Variants in NAV3 observed in about 807,000 individuals in gnomAD.
NAV3 encodes neuron navigator 3.
In NAV3, 87 loss-of-function variants were observed where a neutral mutation model predicts 244.7. The observed-to-expected ratio is 0.36, with a 90% confidence interval of 0.30 to 0.42. NAV3 has a LOEUF of 0.42. NAV3 is among the 20% of genes least tolerant of loss of function. The pLI, the probability that NAV3 is intolerant of heterozygous loss-of-function variation, is 1.00. For missense variants in NAV3, 2,663 were observed against 2,893.3 expected (o/e 0.92, Z 1.83); for synonymous variants, 1,126 against 1,042.2 (o/e 1.08, Z -1.55).
chr12:78,088,145 G>T (rs1390285062), intron 12 of NAV3, among the ~76,000 whole-genome samples: 2 of 150,826 alleles, frequency 1.3e-5, no homozygotes, highest in Non-Finnish European at 3.0e-5. Context: ...TTAACATAAT[G>T]GTTTTTATAA....
At chr12:77,616,128 C>T (rs1032609418) in intron 2 of NAV3, among the ~76,000 whole-genome samples, 1 of 152,092 alleles carries the variant, frequency 6.6e-6, no homozygotes, top group Non-Finnish European at 1.5e-5. Context: ...TAGTATGAGG[C>T]CAGGCATGGT....
At chr12:77,697,073 C>T (rs1380753425) in intron 2 of NAV3, among the ~76,000 whole-genome samples, 1 of 152,100 alleles carries the variant, frequency 6.6e-6, no homozygotes, top group African/African-American at 2.4e-5. Context: ...TTCCTTCTCC[C>T]AGAGAAGTCA....
rs940266013 is a variant in NAV3, at chr12:78,180,858, A to G, written c.5518-13A>G. On this transcript the variant is annotated splice_polypyrimidine_tract_variant and intron_variant, in intron 29 of 39. Coordinates refer to ENST00000397909, the MANE Select transcript of NAV3 (RefSeq NM_001024383.2). The stretch of plus-strand genomic sequence containing the variant: ...CAACTCAGTTTTTTTCATGTTTTCC[A>G]TCTTCATAACAGAATGAAATTGAAA... 11 of 1,597,804 alleles carry G rather than the reference A, an allele frequency of 6.9e-6. No individual in the cohort carries two copies. Among genetic ancestry groups the G allele is most frequent in the African/African-American group, 1.3e-5 (1 of 74,262 alleles).
At chr12:77,575,065 ATATG>A (rs1223268017) in intron 2 of NAV3, among the ~76,000 whole-genome samples, 14 of 148,600 alleles carry the variant, frequency 9.4e-5, no homozygotes, top group Non-Finnish European at 1.6e-4. Context: ...TTATATATAA[ATATG>A]TATTTAAAAT....
At chr12:78,199,054 A>G in intron 36 of NAV3, 1 of 568,152 alleles carries the variant, frequency 1.8e-6, no homozygotes, top group Non-Finnish European at 3.3e-6. Context: ...AGGATTTGTG[A>G]TTCTCCTACA....
chr12:77,806,497 G>A (rs182660556), intron 2 of NAV3, among the ~76,000 whole-genome samples: 132 of 152,310 alleles, frequency 8.7e-4, no homozygotes, highest in African/African-American at 2.9e-3. Context: ...TCTTAATCCT[G>A]AGTTCTAATT....
intron 2 of NAV3, among the ~76,000 whole-genome samples, chr12:77,606,574 A>G (rs983464478): frequency 2.8e-4 from 43 of 152,140 alleles, no homozygotes; most frequent in African/African-American, 1.0e-3. Flanking sequence ...TGCACATAGT[A>G]TGAGCTCAAT....
chr12:77,655,714 G>A (rs960314598), intron 2 of NAV3, among the ~76,000 whole-genome samples: 5 of 152,014 alleles, frequency 3.3e-5, no homozygotes, highest in Non-Finnish European at 5.9e-5. Context: ...GAGAAAGGTC[G>A]GGTTACCCAC....
intron 1 of NAV3, among the ~76,000 whole-genome samples, chr12:77,919,692 C>A (rs975703534): frequency 5.9e-5 from 9 of 152,056 alleles, no homozygotes; most frequent in Admixed American, 1.3e-4. Flanking sequence ...ATTAATTTAG[C>A]AAACATCTGT....
chr12:78,180,815 C>T (rs1958466029), intron 29 of NAV3, 56 bp from the exon 30 acceptor site: 2 of 1,415,718 alleles, frequency 1.4e-6, no homozygotes, highest in South Asian at 1.3e-5. Context: ...AGACTTGGTG[C>T]TATTTTCTCA....
chr12:77,614,291 C>G (rs756642894), intron 2 of NAV3, among the ~76,000 whole-genome samples: 1 of 151,656 alleles, frequency 6.6e-6, no homozygotes. Context: ...TGAAATTGTC[C>G]TTGGTTGATA....
upstream of NAV3, among the ~76,000 whole-genome samples, chr12:77,826,580 A>G (rs1489988199): frequency 6.6e-6 from 1 of 152,230 alleles, no homozygotes. Flanking sequence ...ATTGTGCCAT[A>G]TTCAAACAAT....
intron 2 of NAV3, among the ~76,000 whole-genome samples, chr12:77,609,148 A>T (rs937681705): frequency 6.6e-6 from 1 of 152,092 alleles, no homozygotes; most frequent in Non-Finnish European, 1.5e-5. Context: ...AGTTTCACAC[A>T]GATGATTTGT....
chr12:77,753,219 A>G (rs1341313476), intron 2 of NAV3, among the ~76,000 whole-genome samples: 1 of 152,208 alleles, frequency 6.6e-6, no homozygotes, highest in African/African-American at 2.4e-5. Flanking sequence ...ATGTATTCAT[A>G]TTTATTGAGT....
At chr12:77,876,931 T>G (rs968284641) in intron 1 of NAV3, among the ~76,000 whole-genome samples, 2 of 152,120 alleles carry the variant, frequency 1.3e-5, no homozygotes, top group Non-Finnish European at 2.9e-5. Context: ...TTGAAAGTTA[T>G]GAGACTGGAC....
chr12:77,914,856 A>G (rs1160538957), intron 1 of NAV3, among the ~76,000 whole-genome samples: 1 of 137,826 alleles, frequency 7.3e-6, no homozygotes, highest in Non-Finnish European at 1.6e-5. Flanking sequence ...TTTTTTAATT[A>G]TCTGATGTTT....
At chr12:77,876,351 G>A (rs928171360) in intron 1 of NAV3, among the ~76,000 whole-genome samples, 19 of 151,988 alleles carry the variant, frequency 1.3e-4, no homozygotes, top group Non-Finnish European at 1.2e-4. Flanking sequence ...TGCACTCAAG[G>A]CACTTGAGCA....
At chr12:77,785,927 G>A (rs566962609) in intron 2 of NAV3, among the ~76,000 whole-genome samples, 1 of 152,284 alleles carries the variant, frequency 6.6e-6, no homozygotes, top group South Asian at 2.1e-4. Context: ...ATGTATGTGA[G>A]ATGAGGAGAT....
At chr12:78,008,956 A>C (rs944218174) in intron 8 of NAV3, among the ~76,000 whole-genome samples, 5 of 152,228 alleles carry the variant, frequency 3.3e-5, no homozygotes, top group Non-Finnish European at 7.3e-5. Flanking sequence ...TGTCATACTC[A>C]GCACACTTTT....
Sources: gnomAD v4.1 joint callset for allele counts (sites outside exome capture counted in the v4.1 genomes callset) on GRCh38, gnomAD v4.1.1 for gene constraint, MANE v1.5 for transcripts, NCBI Gene and HGNC (gene_info 2026-07-23, HGNC 2026-07-21) for gene names.